The following ITGA2 variants were observed in gnomAD, a reference collection of about 807,000 sequenced individuals.
The protein encoded by ITGA2 is integrin alpha-2.
A neutral mutation model predicts 146.3 loss-of-function variants in ITGA2; 101 were observed. That is an observed-to-expected ratio of 0.69 (90% CI 0.59 to 0.81). ITGA2 has a LOEUF of 0.81. Among genes scored for constraint, ITGA2 ranks in the 40% least tolerant of loss-of-function variants. The probability of loss-of-function intolerance (pLI) is 0.00; values close to 1 mark genes in which losing one functional copy is unlikely to be tolerated. For missense variants in ITGA2, 1,281 were observed against 1,402.7 expected, an observed-to-expected ratio of 0.91 and a Z score of 1.39; for synonymous variants, 477 against 487.1, an observed-to-expected ratio of 0.98 and a Z score of 0.27.
rs1179271723 is a variant in ITGA2 at position 53,073,207 on chromosome 5, G to A, written c.2519G>A (p.Gly840Glu). Residue 840 changes from glycine to glutamate, a missense_variant, in exon 20 of 30, where the codon GGA (glycine) becomes GAA (glutamate). Around this residue, in one of 3 missense-constraint regions of ITGA2, gnomAD observed 475 missense variants for 530.5 expected, o/e 0.90. Coordinates refer to ENST00000296585, the MANE Select transcript of ITGA2 (RefSeq NM_002203.4). ...KNKRESAYNTGIVVDFSENLF... is the reference protein window; with the variant it reads ...KNKRESAYNTEIVVDFSENLF... ...AAAAGGGAAAGTGCATACAACACTG[G>A]AATTGTTGTTGATTTTTCAGAAAAC... is the stretch of plus-strand genomic sequence containing the variant. The A allele has an allele frequency of 1.2e-6, 2 of 1,612,332 alleles. No individual in the cohort carries two copies. The highest frequency in any genetic ancestry group is 3.3e-5 in the Admixed American group (2 of 59,914).
At position 53,067,161 on chromosome 5, in the gene ITGA2, C is replaced by G; in HGVS notation, c.1987C>G (p.Pro663Ala). Residue 663 changes from proline (P) to alanine (A), a missense_variant, in exon 16 of 30, where the codon CCA (proline) becomes GCA (alanine). Transcript: ENST00000296585. Reference sequence around the variant, plus strand: ...TGTAGCTATAGAAGCTTCATTCACACCAGAAAAAATCACTTTGGTCAACAA... The same window carrying G: ...TGTAGCTATAGAAGCTTCATTCACAGCAGAAAAAATCACTTTGGTCAACAA... ...ADVAIEASFT[P>A]EKITLVNKNA... 6.2e-7 allele frequency: 1 copy of G among 1,611,214 alleles called. No individual in the cohort carries two copies. Among genetic ancestry groups the G allele is most frequent in the South Asian group, 1.1e-5 (1 of 91,030 alleles).
intron 4 of ITGA2, among the ~76,000 whole-genome samples, chr5:53,046,810 T>A (rs556636142): frequency 2.1e-4 from 32 of 152,212 alleles, no homozygotes; most frequent in Admixed American, 9.2e-4. Flanking sequence ...ATCATCACAT[T>A]TTTTTGAAAC....
intron 7 of ITGA2, among the ~76,000 whole-genome samples, chr5:53,052,161 C>A (rs1001364454): frequency 6.6e-6 from 1 of 151,950 alleles, no homozygotes; most frequent in African/African-American, 2.4e-5. Flanking sequence ...ACATAGTATA[C>A]ACATGCCATG....
chr5:53,086,619 T>G lies in ITGA2; in HGVS notation c.3259-333T>G, dbSNP rs540066157. 4.6e-5 allele frequency among the ~76,000 whole-genome samples: 7 copies of G among 152,306 alleles called. No individual in the cohort carries two copies. The East Asian group carries it at 1.2e-3, about 25-fold the overall frequency. On this transcript the variant is annotated intron_variant, in intron 27 of 29. Coordinates refer to ENST00000296585, the MANE Select transcript of ITGA2 (RefSeq NM_002203.4). ...CTGTGATCTTCCCAGTTAGAAATAT[T>G]CATTTTTAAATCCTCACTTTTCAAC...
At chr5:53,006,069 C>T (rs929496630) in intron 1 of ITGA2, among the ~76,000 whole-genome samples, 2 of 151,858 alleles carry the variant, frequency 1.3e-5, no homozygotes, top group Middle Eastern at 3.2e-3. Context: ...TCGGTGGGGG[C>T]GAGGGGAGAG....
intron 2 of ITGA2, among the ~76,000 whole-genome samples, chr5:53,027,784 A>G (rs1302658261): frequency 6.6e-6 from 1 of 152,188 alleles, no homozygotes; most frequent in Non-Finnish European, 1.5e-5. Context: ...CTTATCAAAT[A>G]AGAACCGTAA....
rs1242879243 is a variant in ITGA2, at chr5:53,048,386, G to A, written c.411G>A (p.Gln137=). The A allele has an allele frequency of 2.5e-6, 4 of 1,614,062 alleles. No individual in the cohort carries two copies. The highest frequency in any genetic ancestry group is 1.7e-4 in the Middle Eastern group (1 of 6,060). The change falls in exon 5 of 30, where the codon CAG becomes CAA. Residue 137 remains glutamine, a synonymous_variant. Transcript: ENST00000296585. ...AGACATGTGGTCCTCTGTGGGCACA[G>A]CAATGTGGGAATCAGTATTACACAA... ...GFLTCGPLWA[Q]QCGNQYYTTG... is the part of the protein sequence containing the mutation.
intron 2 of ITGA2, among the ~76,000 whole-genome samples, chr5:53,029,037 C>T (rs891436456): frequency 2.6e-5 from 4 of 152,146 alleles, no homozygotes; most frequent in South Asian, 2.1e-4. Context: ...TTTGGGAGGC[C>T]AAGGCGGGTG....
chr5:53,071,471 C>G (rs1405739137), intron 17 of ITGA2, among the ~76,000 whole-genome samples: 3 of 151,854 alleles, frequency 2.0e-5, no homozygotes, highest in African/African-American at 7.2e-5. Context: ...TCCTCATAGT[C>G]CAGAGCTGTC....
rs141462273 is a variant in ITGA2 at position 53,060,991 on chromosome 5, A to G, written c.1403A>G (p.Tyr468Cys). The G allele has an allele frequency of 6.2e-7, 1 of 1,612,308 alleles. No individual in the cohort carries two copies. The highest frequency in any genetic ancestry group is 1.3e-5 in the African/African-American group (1 of 74,790). The stretch of plus-strand genomic sequence containing the variant: ...AATTATACCGGCCAGATAGTGCTAT[A>G]TAGTGTGAATGAGAATGGCAATATC... ...RANYTGQIVL[Y>C]SVNENGNITV... The change falls in exon 12 of 30, where the codon TAT (tyrosine) becomes TGT (cysteine). Residue 468 changes from tyrosine (Y) to cysteine (C), a missense_variant. Physicochemically the swap from Tyr to Cys is radical, Grantham distance 194. Transcript: ENST00000296585.
intron 25 of ITGA2, 66 bp from the exon 26 acceptor site, chr5:53,081,526 C>A: frequency 8.0e-7 from 1 of 1,244,204 alleles, no homozygotes; most frequent in Non-Finnish European, 1.2e-6. Context: ...GATTTCCTAA[C>A]ATGTTGAAAG....
intron 1 of ITGA2, among the ~76,000 whole-genome samples, chr5:53,021,716 G>A (rs1742691473): frequency 6.6e-6 from 1 of 152,218 alleles, no homozygotes; most frequent in Non-Finnish European, 1.5e-5. Flanking sequence ...CTCACAGTTA[G>A]AGATAGGCCT....
Position 53,071,982 on chromosome 5 carries a change from C to T in ITGA2, c.2280C>T (p.Ile760=), listed in dbSNP as rs762265769. 20 of 1,612,256 alleles carry T rather than the reference C, an allele frequency of 1.2e-5. No individual in the cohort carries two copies. The highest frequency in any genetic ancestry group is 9.3e-6 in the Non-Finnish European group (11 of 1,178,980). The change falls in exon 18 of 30, where the codon ATC becomes ATT. Residue 760 remains isoleucine (I), a synonymous_variant. Coordinates refer to ENST00000296585, the MANE Select transcript of ITGA2 (RefSeq NM_002203.4). ...VVNSLDLRVD[I]SLENPGTSPA... ...ACTCTTTGGATTTGCGTGTGGACAT[C>T]AGTCTGGAAAACCCTGGCACTAGCC... is the stretch of plus-strand genomic sequence containing the variant.
chr5:53,085,288 A>AAATT (rs1174830815), intron 27 of ITGA2, among the ~76,000 whole-genome samples: 78 of 152,358 alleles, frequency 5.1e-4, no homozygotes, highest in Admixed American at 4.4e-3. Context: ...GTGATTGATC[A>AAATT]GGGCTCCAAA....
chr5:53,040,246 G>C (rs1364919358), intron 2 of ITGA2, among the ~76,000 whole-genome samples: 1 of 152,146 alleles, frequency 6.6e-6, no homozygotes, highest in African/African-American at 2.4e-5. Flanking sequence ...GGTTAGAGAA[G>C]AAAGAGTCAG....
At chr5:53,075,876 A>AG (rs1281816585) in intron 23 of ITGA2, among the ~76,000 whole-genome samples, 1 of 149,376 alleles carries the variant, frequency 6.7e-6, no homozygotes, top group African/African-American at 2.5e-5. Flanking sequence ...GGTGGAAATG[A>AG]GGTTTTTTCC....
At chr5:53,064,620 G>T (rs978436034) in intron 13 of ITGA2, among the ~76,000 whole-genome samples, 17 of 151,864 alleles carry the variant, frequency 1.1e-4, no homozygotes, top group African/African-American at 4.1e-4. Context: ...ATAGCTCACT[G>T]CAGCCTCTAA....
At chr5:53,039,207 T>C (rs557043028) in intron 2 of ITGA2, among the ~76,000 whole-genome samples, 2 of 152,350 alleles carry the variant, frequency 1.3e-5, no homozygotes, top group South Asian at 4.1e-4. Context: ...TAGGAATTAA[T>C]TAATGAATGC....
chr5:53,013,186 G>A (rs893636078), intron 1 of ITGA2, among the ~76,000 whole-genome samples: 10 of 151,834 alleles, frequency 6.6e-5, no homozygotes, highest in Admixed American at 3.3e-4. Context: ...GCCAATGTTC[G>A]GAATGGTATT....
Sources: allele counts gnomAD v4.1 joint callset (sites outside exome capture counted in the v4.1 genomes callset), GRCh38; gene constraint gnomAD v4.1.1; regional missense constraint gnomAD v4.1.1; transcripts MANE v1.5; gene names NCBI Gene and HGNC (gene_info 2026-07-23, HGNC 2026-07-21).